Variants in OSBPL10 observed in about 807,000 individuals in gnomAD.
The protein encoded by OSBPL10 is oxysterol-binding protein-related protein 10.
OSBPL10 carries 49 observed loss-of-function variants against 81.7 expected under a neutral mutation model. The ratio of observed to expected loss-of-function variants is 0.60; its 90% CI spans 0.48 to 0.76. OSBPL10 has a LOEUF of 0.76. Ranked by LOEUF, OSBPL10 falls within the 30% of genes least tolerant of loss-of-function variation. The probability of loss-of-function intolerance (pLI) is 0.00; values close to 1 mark genes in which losing one functional copy is unlikely to be tolerated. For synonymous variants in OSBPL10, 419 were observed against 383.6 expected (o/e 1.09, Z -1.08); for missense variants, 923 against 987.8 (o/e 0.93, Z 0.88).
chr3:31,830,961 T>C lies in OSBPL10; in HGVS notation c.538-730A>G, dbSNP rs888656648. The stretch of plus-strand genomic sequence containing the variant: ...TAGTGGAGATGAATTTTTCAGTAAA[T>C]GTTGGGATAACTGGGAAGCCATCTG... On this transcript the variant is annotated intron_variant, in intron 3 of 11. Transcript: ENST00000396556. 3.9e-5 allele frequency among the ~76,000 whole-genome samples: 6 copies of C among 152,166 alleles called. No individual in the cohort carries two copies. In the East Asian group the frequency reaches 1.2e-3, roughly 29 times the overall value.
rs188028156 is a variant in OSBPL10 at position 31,863,768 on chromosome 3, C to T, written c.537+12665G>A. The stretch of plus-strand genomic sequence containing the variant: ...CTTGTTACTCATGACTGATTTTCAG[C>T]TACTGGTTAATAGTTCTCTCTCTAT... On this transcript the variant is annotated intron_variant, in intron 3 of 11. Coordinates refer to ENST00000396556, the MANE Select transcript of OSBPL10 (RefSeq NM_017784.5). Among the ~76,000 whole-genome samples the T allele has an allele frequency of 6.9e-4, 105 of 152,230 alleles. 1 individual carries two copies. In the Middle Eastern group the frequency reaches 0.014, roughly 20 times the overall value.
At chr3:32,068,936 C>G (rs1387036469) in intron 1 of OSBPL10, among the ~76,000 whole-genome samples, 1 of 152,060 alleles carries the variant, frequency 6.6e-6, no homozygotes, top group Non-Finnish European at 1.5e-5. Context: ...GGCTCCAACT[C>G]TTGTTCAGCC....
At chr3:32,074,682 A>G (rs924607172) in intron 1 of OSBPL10, among the ~76,000 whole-genome samples, 15 of 152,098 alleles carry the variant, frequency 9.9e-5, no homozygotes, top group Admixed American at 4.6e-4. Context: ...TGTAGACACT[A>G]TGCACTTTCT....
At chr3:31,941,977 C>A (rs1295176800) in intron 1 of OSBPL10, among the ~76,000 whole-genome samples, 1 of 152,122 alleles carries the variant, frequency 6.6e-6, no homozygotes, top group Non-Finnish European at 1.5e-5. Flanking sequence ...TTCTCCCAGT[C>A]GAGAATGCAA....
chr3:31,749,356 A>G (rs1697642246), intron 4 of OSBPL10, among the ~76,000 whole-genome samples: 1 of 152,226 alleles, frequency 6.6e-6, no homozygotes, highest in South Asian at 2.1e-4. Context: ...CACATTCCAC[A>G]GATGTGGTTT....
chr3:31,959,965 C>T (rs1698113203), intron 1 of OSBPL10, among the ~76,000 whole-genome samples: 1 of 152,182 alleles, frequency 6.6e-6, no homozygotes, highest in Non-Finnish European at 1.5e-5. Context: ...GACGTGGCCA[C>T]TGTGCTACTT....
At chr3:31,869,449 A>T (rs1048677334) in intron 3 of OSBPL10, among the ~76,000 whole-genome samples, 1 of 152,154 alleles carries the variant, frequency 6.6e-6, no homozygotes, top group Non-Finnish European at 1.5e-5. Flanking sequence ...ATCCCCCAAA[A>T]ATGAGTGCAA....
At chr3:31,888,658 C>G (rs751024001) in intron 1 of OSBPL10, among the ~76,000 whole-genome samples, 1 of 152,152 alleles carries the variant, frequency 6.6e-6, no homozygotes, top group Non-Finnish European at 1.5e-5. Flanking sequence ...CAGTGGCTCA[C>G]GCCCGTAATC....
intron 6 of OSBPL10, among the ~76,000 whole-genome samples, chr3:31,712,863 A>G (rs1363018862): frequency 6.6e-6 from 1 of 152,244 alleles, no homozygotes; most frequent in African/African-American, 2.4e-5. Flanking sequence ...TCAGTAAATA[A>G]CAGCTTTGTT....
Position 31,687,476 on chromosome 3 carries a change from A to T in OSBPL10, c.1246-3362T>A, listed in dbSNP as rs570420648. Among the ~76,000 whole-genome samples, 208 of 152,306 alleles carry T rather than the reference A, an allele frequency of 1.4e-3. 1 individual carries two copies. The highest frequency in any genetic ancestry group is 4.5e-3 in the African/African-American group (186 of 41,586). Reference sequence around the variant, plus strand: ...TCAAAAGCTGAAGGATTTAAAAAAAAAAATAAGTAAATAAATAAGAAAAAG... The same window carrying T: ...TCAAAAGCTGAAGGATTTAAAAAAATAAATAAGTAAATAAATAAGAAAAAG... On this transcript the variant is annotated intron_variant, in intron 7 of 11. Coordinates refer to ENST00000396556, the MANE Select transcript of OSBPL10 (RefSeq NM_017784.5).
intron 6 of OSBPL10, among the ~76,000 whole-genome samples, chr3:31,724,990 G>A (rs753775009): frequency 4.0e-5 from 6 of 150,884 alleles, no homozygotes; most frequent in East Asian, 2.0e-4. Context: ...ACAGCCACAC[G>A]GCACCAGGAC....
intron 4 of OSBPL10, among the ~76,000 whole-genome samples, chr3:31,772,626 C>T (rs1210906878): frequency 3.3e-5 from 5 of 152,306 alleles, no homozygotes; most frequent in African/African-American, 7.2e-5. Context: ...CTGCCCCTGC[C>T]GTCTCTATCC....
chr3:31,889,312 G>C (rs1168626251), intron 1 of OSBPL10, among the ~76,000 whole-genome samples: 1 of 152,126 alleles, frequency 6.6e-6, no homozygotes. Flanking sequence ...TTATGCAAAG[G>C]AAAGGAAATC....
chr3:31,818,455 G>A (rs12491622), intron 4 of OSBPL10, among the ~76,000 whole-genome samples: 110,797 of 151,640 alleles, frequency 0.73, 40,749 homozygotes, highest in East Asian at 0.95. Flanking sequence ...GCATATGTAT[G>A]TGTATACAGG....
At chr3:32,035,461 C>G (rs1160741318) in intron 2 of OSBPL10, among the ~76,000 whole-genome samples, 2 of 149,544 alleles carry the variant, frequency 1.3e-5, no homozygotes, top group Non-Finnish European at 3.0e-5. Flanking sequence ...ACTCAGGAAG[C>G]TGAGGCAGGA....
At chr3:31,890,082 G>A (rs146435927) in intron 1 of OSBPL10, among the ~76,000 whole-genome samples, 96 of 151,820 alleles carry the variant, frequency 6.3e-4, no homozygotes, top group African/African-American at 2.2e-3. Flanking sequence ...TCGGAAATGT[G>A]AATTTCAAGA....
At chr3:31,967,382 A>C (rs13075834) in intron 1 of OSBPL10, among the ~76,000 whole-genome samples, 29,015 of 152,074 alleles carry the variant, frequency 0.19, 3,125 homozygotes, top group East Asian at 0.41. Flanking sequence ...TGGGAGGCTG[A>C]GGCAGGAGGA....
intron 3 of OSBPL10, among the ~76,000 whole-genome samples, chr3:31,875,588 T>C (rs1403386747): frequency 6.6e-6 from 1 of 151,044 alleles, no homozygotes; most frequent in African/African-American, 2.4e-5. Flanking sequence ...ATGAAGAAAT[T>C]ATTTTAGTTT....
chr3:31,699,591 G>T (rs2125586986), intron 7 of OSBPL10, among the ~76,000 whole-genome samples: 1 of 152,340 alleles, frequency 6.6e-6, no homozygotes, highest in Non-Finnish European at 1.5e-5. Context: ...AAGTCCCCTT[G>T]TTGGAAAATT....
Sources: gnomAD v4.1 joint callset for allele counts (sites outside exome capture counted in the v4.1 genomes callset) on GRCh38, gnomAD v4.1.1 for gene constraint, MANE v1.5 for transcripts, NCBI Gene and HGNC (gene_info 2026-07-23, HGNC 2026-07-21) for gene names.